Variants in ARFIP1 observed in about 807,000 individuals in gnomAD.
The protein encoded by ARFIP1 is ARF interacting protein 1, also known as arfaptin-1.
In ARFIP1, 24 loss-of-function variants were observed where a neutral mutation model predicts 42.5. The observed-to-expected ratio is 0.57, with a 90% confidence interval of 0.41 to 0.80. The LOEUF (loss-of-function observed/expected upper bound fraction) is 0.80, where lower values mean the gene tolerates loss of function less well. ARFIP1 is among the 30% of genes least tolerant of loss of function. The pLI, the probability that ARFIP1 is intolerant of heterozygous loss-of-function variation, is 0.00. For synonymous variants in ARFIP1, 141 were observed against 153.7 expected (o/e 0.92, Z 0.61); for missense variants, 354 against 434.0 (o/e 0.82, Z 1.64).
At chr4:152,823,101 A>G (rs1278480924) in intron 1 of ARFIP1, among the ~76,000 whole-genome samples, 1 of 152,242 alleles carries the variant, frequency 6.6e-6, no homozygotes, top group Non-Finnish European at 1.5e-5. Flanking sequence ...ATCAGTGAAA[A>G]AAAAGCTGGT....
chr4:152,893,395 AT>A (rs1179116471), intron 8 of ARFIP1, among the ~76,000 whole-genome samples: 2 of 150,072 alleles, frequency 1.3e-5, no homozygotes, highest in African/African-American at 5.0e-5. Flanking sequence ...ATGCAGATCA[AT>A]GTAAGCAACT....
intron 1 of ARFIP1, among the ~76,000 whole-genome samples, chr4:152,816,101 C>G (rs1233841409): frequency 6.6e-6 from 1 of 152,194 alleles, no homozygotes; most frequent in Non-Finnish European, 1.5e-5. Context: ...CTACTATCAT[C>G]TCTTGCCTAG....
intron 1 of ARFIP1, among the ~76,000 whole-genome samples, chr4:152,787,924 T>G (rs144013850): frequency 6.6e-6 from 1 of 152,354 alleles, no homozygotes; most frequent in Non-Finnish European, 1.5e-5. Flanking sequence ...TTCTTTCAAG[T>G]GTATGGAAAT....
chr4:152,897,604 A>T (rs781164176), intron 8 of ARFIP1, among the ~76,000 whole-genome samples: 19 of 152,208 alleles, frequency 1.2e-4, no homozygotes, highest in Non-Finnish European at 2.8e-4. Context: ...AATGAAAAGA[A>T]TTCACTTTAA....
chr4:152,818,602 G>C (rs2149837830), intron 1 of ARFIP1, among the ~76,000 whole-genome samples: 1 of 152,288 alleles, frequency 6.6e-6, no homozygotes, highest in South Asian at 2.1e-4. Flanking sequence ...CCAGAATTAA[G>C]GGAGGAACAG....
chr4:152,849,732 T>C (rs1159500195), intron 2 of ARFIP1, among the ~76,000 whole-genome samples: 4 of 152,178 alleles, frequency 2.6e-5, no homozygotes, highest in African/African-American at 9.6e-5. Context: ...AGATTTACTC[T>C]CTTGATTAGA....
chr4:152,848,989 T>G (rs1183958033), intron 2 of ARFIP1, among the ~76,000 whole-genome samples: 9 of 152,232 alleles, frequency 5.9e-5, no homozygotes, highest in Non-Finnish European at 8.8e-5. Context: ...ATATGTATGT[T>G]GATCCCTTTT....
chr4:152,832,106 CTTGA>C (rs1731293298), intron 2 of ARFIP1, among the ~76,000 whole-genome samples: 1 of 151,870 alleles, frequency 6.6e-6, no homozygotes, highest in South Asian at 2.1e-4. Flanking sequence ...TTTTGGTGTA[CTTGA>C]TTATTTGTTT....
chr4:152,865,944 A>G (rs1346387823), intron 3 of ARFIP1, among the ~76,000 whole-genome samples: 1 of 152,044 alleles, frequency 6.6e-6, no homozygotes, highest in Non-Finnish European at 1.5e-5. Context: ...TCATAGGACA[A>G]TAGTGGAGGG....
At chr4:152,894,295 C>G (rs1296237421) in intron 8 of ARFIP1, among the ~76,000 whole-genome samples, 2 of 151,596 alleles carry the variant, frequency 1.3e-5, no homozygotes, top group Non-Finnish European at 2.9e-5. Flanking sequence ...GCTTTGAGGG[C>G]AGAAGTATTC....
chr4:152,831,133 C>G (rs1477503169), intron 2 of ARFIP1, among the ~76,000 whole-genome samples: 1 of 152,206 alleles, frequency 6.6e-6, no homozygotes, highest in African/African-American at 2.4e-5. Context: ...CATCATTAGA[C>G]TATACCAATT....
At chr4:152,888,378 C>T (rs1736446279) in intron 8 of ARFIP1, 71 bp downstream of exon 8, 2 of 1,126,652 alleles carry the variant, frequency 1.8e-6, no homozygotes, top group South Asian at 3.6e-5. Flanking sequence ...GTCAGTTTTT[C>T]TGTTTCTGTT....
chr4:152,911,553 C>G lies in ARFIP1; in HGVS notation c.*1334C>G, dbSNP rs1738849492. The G allele has an allele frequency of 1.3e-5, 2 of 152,538 alleles. No homozygotes were observed. Among genetic ancestry groups the G allele is most frequent in the South Asian group, 4.1e-4 (2 of 4,830 alleles). 9.4% of individuals were successfully genotyped at this position (152,538 alleles called of 1,614,324 possible). On this transcript the variant is annotated 3_prime_UTR_variant, in exon 9 of 9. Coordinates refer to ENST00000353617, the MANE Select transcript of ARFIP1 (RefSeq NM_001025595.3). Reference sequence around the variant, plus strand: ...AATGTAAAGCTCTTTTAGTTTTTGTCATAGACATAAATTAATATTTTGAGA... The same window carrying G: ...AATGTAAAGCTCTTTTAGTTTTTGTGATAGACATAAATTAATATTTTGAGA...
intron 8 of ARFIP1, among the ~76,000 whole-genome samples, chr4:152,909,200 C>A (rs899539268): frequency 3.9e-5 from 6 of 152,084 alleles, no homozygotes; most frequent in Admixed American, 2.0e-4. Flanking sequence ...GCCTGGCCAA[C>A]ATGGTGAAAC....
chr4:152,908,958 T>C (rs1369665394), intron 8 of ARFIP1, among the ~76,000 whole-genome samples: 1 of 150,252 alleles, frequency 6.7e-6, no homozygotes, highest in East Asian at 2.0e-4. Context: ...GTGAAACAAA[T>C]TTTCTATCCT....
chr4:152,886,439 C>G (rs986905290), intron 7 of ARFIP1, among the ~76,000 whole-genome samples: 3 of 151,938 alleles, frequency 2.0e-5, no homozygotes, highest in Non-Finnish European at 4.4e-5. Context: ...TCTGACATAC[C>G]GAATTCCCAA....
chr4:152,895,551 C>CTT lies in ARFIP1; in HGVS notation c.966+7270_966+7271dup, dbSNP rs34697452. ...ACTGGTACATGCCACTGCACTTGGC[C>CTT]TTTTTTTTTTTTTTTTTTTTTTTTT... On this transcript the variant is annotated intron_variant, in intron 8 of 8. Coordinates refer to ENST00000353617, the MANE Select transcript of ARFIP1 (RefSeq NM_001025595.3). Among the ~76,000 whole-genome samples the CTT allele has an allele frequency of 5.5e-4, 35 of 63,916 alleles. 1 individual carries two copies. The highest frequency in any genetic ancestry group is 1.8e-3 in the East Asian group (3 of 1,662). The allele number at this position is 63,916 out of a possible 152,430, so 41.9% of individuals were successfully genotyped here. A position where few individuals can be genotyped will look rare whatever the true frequency, so the allele number is the denominator to read the frequency against.
At chr4:152,836,285 C>G (rs1578899448) in intron 2 of ARFIP1, among the ~76,000 whole-genome samples, 1 of 152,032 alleles carries the variant, frequency 6.6e-6, no homozygotes, top group African/African-American at 2.4e-5. Context: ...TATTCTCACC[C>G]ACACATACAA....
intron 8 of ARFIP1, among the ~76,000 whole-genome samples, chr4:152,892,625 T>C (rs890920658): frequency 6.6e-6 from 1 of 152,234 alleles, no homozygotes; most frequent in African/African-American, 2.4e-5. Flanking sequence ...TAGTCTAGCC[T>C]TTCTTCCGTA....
Sources: allele counts gnomAD v4.1 joint callset (sites outside exome capture counted in the v4.1 genomes callset), GRCh38; gene constraint gnomAD v4.1.1; transcripts MANE v1.5; gene names NCBI Gene and HGNC (gene_info 2026-07-23, HGNC 2026-07-21).